Variants in ATG7 observed in about 807,000 individuals in gnomAD.
ATG7 encodes the protein ubiquitin-like modifier-activating enzyme ATG7.
A neutral mutation model predicts 82.4 loss-of-function variants in ATG7; 70 were observed. That is an observed-to-expected ratio of 0.85 (90% CI 0.70 to 1.04). The LOEUF is 1.04. ATG7 is among the 50% of genes least tolerant of loss of function. The pLI is 0.00. For missense variants in ATG7, 792 were observed against 864.3 expected (o/e 0.92, Z 1.05); for synonymous variants, 287 against 313.0 (o/e 0.92, Z 0.88).
intron 18 of ATG7, among the ~76,000 whole-genome samples, chr3:11,370,090 C>T (rs1012845551): frequency 2.6e-5 from 4 of 151,146 alleles, no homozygotes; most frequent in Non-Finnish European, 5.9e-5. Context: ...TTAAGTCACA[C>T]GTACTAAGCA....
chr3:11,430,422 A>G (rs566940527), intron 20 of ATG7, among the ~76,000 whole-genome samples: 2 of 152,310 alleles, frequency 1.3e-5, no homozygotes, highest in African/African-American at 4.8e-5. Flanking sequence ...AGTAATAAAA[A>G]CACAGAATTC....
chr3:11,324,368 C>T (rs979355426), intron 9 of ATG7, among the ~76,000 whole-genome samples: 3 of 152,174 alleles, frequency 2.0e-5, no homozygotes, highest in Admixed American at 2.0e-4. Context: ...TCCTAAAGCA[C>T]TTAAAGATTT....
chr3:11,382,286 A>G (rs1380655176), intron 19 of ATG7, among the ~76,000 whole-genome samples: 1 of 151,784 alleles, frequency 6.6e-6, no homozygotes, highest in African/African-American at 2.4e-5. Flanking sequence ...ACATATATAT[A>G]GAGAGAGAGA....
At chr3:11,396,606 A>G (rs7647417) in intron 19 of ATG7, among the ~76,000 whole-genome samples, 132,007 of 151,956 alleles carry the variant, frequency 0.87, 57,660 homozygotes, top group East Asian at 1. Flanking sequence ...GTGAAACCCC[A>G]CCTCTACAAA....
intron 20 of ATG7, among the ~76,000 whole-genome samples, chr3:11,483,506 C>T (rs541543022): frequency 2.0e-4 from 31 of 152,144 alleles, no homozygotes; most frequent in Non-Finnish European, 4.4e-4. Context: ...GTAACCACTG[C>T]ACTCCCCTTC....
At chr3:11,558,808 G>A (rs374019699), downstream of ATG7, 104 of 1,612,250 alleles carry the variant, frequency 6.5e-5, no homozygotes, top group Non-Finnish European at 8.0e-5. Context: ...CCTCCACCAC[G>A]GGGTCACAGG....
At chr3:11,493,266 C>G (rs562677300) in intron 20 of ATG7, among the ~76,000 whole-genome samples, 1 of 152,314 alleles carries the variant, frequency 6.6e-6, no homozygotes, top group African/African-American at 2.4e-5. Flanking sequence ...AGTTGCCCCT[C>G]TCTTTGCCAT....
intron 20 of ATG7, among the ~76,000 whole-genome samples, chr3:11,463,952 A>G (rs889877680): frequency 6.6e-6 from 1 of 152,254 alleles, no homozygotes; most frequent in Non-Finnish European, 1.5e-5. Context: ...TGGTGGTCCC[A>G]GGAAGACAGG....
intron 20 of ATG7, among the ~76,000 whole-genome samples, chr3:11,466,843 G>A (rs1488440446): frequency 1.3e-5 from 2 of 152,078 alleles, no homozygotes; most frequent in Non-Finnish European, 2.9e-5. Flanking sequence ...TAAAAATAAT[G>A]ATGGAGCTGG....
At chr3:11,287,281 A>G (rs1366400081) in intron 3 of ATG7, among the ~76,000 whole-genome samples, 1 of 152,162 alleles carries the variant, frequency 6.6e-6, no homozygotes, top group African/African-American at 2.4e-5. Context: ...GGGGAGGAGT[A>G]TGAGGGGAGT....
chr3:11,551,617 A>T (rs927845659), intron 20 of ATG7, among the ~76,000 whole-genome samples: 3 of 152,064 alleles, frequency 2.0e-5, no homozygotes, highest in Non-Finnish European at 4.4e-5. Flanking sequence ...TTTTATAGAG[A>T]GAGGGTCTTG....
At chr3:11,292,966 T>C (rs1945209980) in intron 3 of ATG7, among the ~76,000 whole-genome samples, 1 of 152,214 alleles carries the variant, frequency 6.6e-6, no homozygotes, top group African/African-American at 2.4e-5. Context: ...TTCTAGGAAT[T>C]AGTGCTTTAT....
At chr3:11,337,513 T>C (rs1952734349) in intron 11 of ATG7, among the ~76,000 whole-genome samples, 1 of 151,966 alleles carries the variant, frequency 6.6e-6, no homozygotes, top group South Asian at 2.1e-4. Context: ...TAATTTAATT[T>C]GGTGTATGTC....
chr3:11,382,346 G>A (rs1456075256), intron 19 of ATG7, among the ~76,000 whole-genome samples: 1 of 152,242 alleles, frequency 6.6e-6, no homozygotes, highest in East Asian at 1.9e-4. Context: ...AGCCTGAGGT[G>A]GGGAAGAATA....
chr3:11,564,572 C>T, the ATG7 span, among the ~76,000 whole-genome samples: 1 of 151,036 alleles, frequency 6.6e-6, no homozygotes, highest in African/African-American at 2.4e-5. Context: ...GAGGCAAGGC[C>T]CGGGCAGGTC....
intron 20 of ATG7, among the ~76,000 whole-genome samples, chr3:11,505,810 A>T (rs1175350306): frequency 6.6e-6 from 1 of 152,220 alleles, no homozygotes; most frequent in South Asian, 2.1e-4. Context: ...AGTGCTAGTC[A>T]GTGCTCGCCA....
intron 19 of ATG7, among the ~76,000 whole-genome samples, chr3:11,425,481 TA>T (rs1224579733): frequency 6.6e-6 from 1 of 152,250 alleles, no homozygotes; most frequent in Non-Finnish European, 1.5e-5. Flanking sequence ...GCTATCTTTT[TA>T]AAGCATTCAT....
chr3:11,277,891 A>ACAC (rs1942174311), intron 1 of ATG7, among the ~76,000 whole-genome samples: 2 of 60,770 alleles, frequency 3.3e-5, no homozygotes, highest in Non-Finnish European at 5.7e-5. Context: ...CCCTTTATAG[A>ACAC]CCCCCCCCCC....
At chr3:11,360,517 A>G in intron 15 of ATG7, 64 bp from the exon 16 acceptor site, 1 of 1,496,612 alleles carries the variant, frequency 6.7e-7, no homozygotes, top group Non-Finnish European at 9.1e-7. Flanking sequence ...CAAATATGGA[A>G]TTAGCCACAG....
Sources: allele counts gnomAD v4.1 joint callset (sites outside exome capture counted in the v4.1 genomes callset), GRCh38; gene constraint gnomAD v4.1.1; transcripts MANE v1.5; gene names NCBI Gene and HGNC (gene_info 2026-07-23, HGNC 2026-07-21).